TH: variants seen among roughly 807,000 people sequenced by gnomAD.
TH encodes tyrosine hydroxylase.
Under a neutral mutation model 57.4 loss-of-function variants are expected in TH, and 49 were observed. The observed-to-expected ratio is 0.85, with a 90% CI of 0.68 to 1.08. TH has a LOEUF of 1.08. TH is among the 50% of genes least tolerant of loss of function. The pLI, the probability that TH is intolerant of heterozygous loss-of-function variation, is 0.00. For missense variants in TH, 720 were observed against 696.7 expected (o/e 1.03, Z -0.38); for synonymous variants, 330 against 304.5 (o/e 1.08, Z -0.87).
At chr11:2,168,737 C>CGG in intron 2 of TH, 72 bp from the exon 3 acceptor site, 1 of 177,918 alleles carries the variant, frequency 5.6e-6, no homozygotes, top group Non-Finnish European at 8.7e-6. Flanking sequence ...GTGGGGTGGG[C>CGG]GGGGAGGAGG....
At position 2,168,567 on chromosome 11, in the gene TH, G is replaced by A. The variant is rs199999086; in HGVS notation, c.411C>T (p.Arg137=). 1.9e-6 allele frequency: 3 copies of A among 1,611,874 alleles called. No individual in the cohort carries two copies. The highest frequency in any genetic ancestry group is 2.2e-5 in the South Asian group (2 of 91,018). The change falls in exon 3 of 13, where the codon CGC becomes CGT. Residue 137 remains arginine, a synonymous_variant. Transcript: ENST00000352909. ...TGAGCAGGGCGGCCAGGTCCCCTCG[G>A]CGCACCTCGAGGCGCACGAAGTACT... ...HLEYFVRLEV[R]RGDLAALLSG...
chr11:2,164,985 C>A (rs528778158), intron 12 of TH, among the ~76,000 whole-genome samples: 1 of 152,320 alleles, frequency 6.6e-6, no homozygotes, highest in South Asian at 2.1e-4. Context: ...GCTCTGTCAG[C>A]ACCTCCAAGA....
Position 2,165,727 on chromosome 11 carries a change from G to T in TH, c.1141C>A (p.Gln381Lys), listed in dbSNP as rs121917762. ...WFTVEFGLCK[Q>K]NGEVKAYGAG... ...CCATAGGCCTTCACCTCCCCGTTCT[G>T]CTTACACAGCCCGAACTCCACCGTG... The change falls in exon 11 of 13, where the codon CAG becomes AAG. Residue 381 changes from glutamine (Q) to lysine (K), a missense_variant. By Grantham distance (53) the Gln-to-Lys change is moderately conservative (BLOSUM62 1). Transcript: ENST00000352909. 5.0e-6 allele frequency: 8 copies of T among 1,612,614 alleles called. No individual in the cohort carries two copies. The highest frequency in any genetic ancestry group is 6.8e-6 in the Non-Finnish European group (8 of 1,179,962).
chr11:2,171,656 C>A lies in TH; in HGVS notation c.90+41G>T, dbSNP rs1242075687. ...AGGCAGCTGGCACCAGCCCTGGGCTCCGGTCCACTGCGGCCGCCGGGCACC... is the reference window on the plus strand; with the variant it reads ...AGGCAGCTGGCACCAGCCCTGGGCTACGGTCCACTGCGGCCGCCGGGCACC... On this transcript the variant is annotated intron_variant, in intron 1 of 12. Transcript: ENST00000352909. This position sits in a 1 kb window ranked among gnomAD's most constrained non-coding sequence, Gnocchi z 8.6. 9 of 1,602,122 alleles carry A rather than the reference C, an allele frequency of 5.6e-6. No homozygotes were observed. The highest frequency in any genetic ancestry group is 6.8e-6 in the Non-Finnish European group (8 of 1,175,958).
rs1846216027 is a variant in TH at position 2,170,186 on chromosome 11, A to G, written c.91-315T>C. 6.6e-6 allele frequency among the ~76,000 whole-genome samples: 1 copy of G among 152,140 alleles called. No homozygotes were observed. The highest frequency in any genetic ancestry group is 2.4e-5 in the African/African-American group (1 of 41,428). The stretch of plus-strand genomic sequence containing the variant: ...CAGAGACGCTGTGTCACTCATCCCC[A>G]GGCCAGGCGCTAACTGGATTAGTGA... On this transcript the variant is annotated intron_variant, in intron 1 of 12. Transcript: ENST00000352909. The surrounding 1 kb of genome is among the most constrained non-coding windows in gnomAD (Gnocchi z 6.0).
chr11:2,167,590 G>A (rs1438329267), intron 5 of TH, 105 bp from the exon 6 acceptor site: 22 of 1,366,106 alleles, frequency 1.6e-5, no homozygotes, highest in South Asian at 8.9e-5. Context: ...CTAGTGCAGC[G>A]AGGCCTTTGG....
In TH at chr11:2,164,125, A is replaced by G; in HGVS notation, c.*108T>C. 1 of 1,017,204 alleles carries G rather than the reference A, an allele frequency of 9.8e-7. No individual in the cohort carries two copies. The highest frequency in any genetic ancestry group is 1.3e-6 in the Non-Finnish European group (1 of 767,746). 63.0% of individuals were successfully genotyped at this position (1,017,204 alleles called of 1,614,324 possible). A position where few individuals can be genotyped will look rare whatever the true frequency, so the allele number is the denominator to read the frequency against. On this transcript the variant is annotated 3_prime_UTR_variant, in exon 13 of 13. Transcript: ENST00000352909. ...GCAGGGGCAGTGGGAGCCTGGCAGC[A>G]GGGAGGGCATGGGGGGCACCCGGGA...
In TH at chr11:2,168,124, G is replaced by T. The variant is rs2133696399; in HGVS notation, c.543C>A (p.Thr181=). Residue 181 remains threonine, a synonymous_variant, in exon 4 of 13, where the codon ACC becomes ACA. Transcript: ENST00000352909. ...CCAAGTCCAGGTCAGGGTCGAACTT[G>T]GTGACCAGGTGATGACACTTGTCCA... ...SELDKCHHLV[T]KFDPDLDLDH... 2 of 1,613,580 alleles carry T rather than the reference G, an allele frequency of 1.2e-6. No homozygotes were observed. Among genetic ancestry groups the T allele is most frequent in the Non-Finnish European group, 8.5e-7 (1 of 1,180,028 alleles).
At position 2,165,680 on chromosome 11, in the gene TH, G is replaced by T. The variant is rs375428556; in HGVS notation, c.1188C>A (p.Tyr396Ter). 6.2e-7 allele frequency: 1 copy of T among 1,612,584 alleles called. No individual in the cohort carries two copies. Among genetic ancestry groups the T allele is most frequent in the African/African-American group, 1.3e-5 (1 of 74,904 alleles). ...KAYGAGLLSS[Y>*]GELLHCLSEE... The stretch of plus-strand genomic sequence containing the variant: ...GAGAGACTCTCACCAGGAGCTCCCC[G>T]TAGGAGGACAGCAGCCCGGCACCAT... The change falls in exon 11 of 13, where the codon TAC becomes TAA. Residue 396 changes from tyrosine (Y) to a stop codon, truncating the protein, a stop_gained. Coordinates refer to ENST00000352909, the MANE Select transcript of TH (RefSeq NM_000360.4). LOFTEE classifies it high-confidence loss of function.
At chr11:2,165,196 G>A (rs1378476618) in intron 12 of TH, 36 bp downstream of exon 12, 5 of 1,612,392 alleles carry the variant, frequency 3.1e-6, no homozygotes, top group Non-Finnish European at 4.2e-6. Context: ...CAGTTTGGGG[G>A]CACCATGGGG....
intron 5 of TH, 61 bp downstream of exon 5, chr11:2,167,805 C>A: frequency 6.5e-7 from 1 of 1,541,768 alleles, no homozygotes; most frequent in South Asian, 1.2e-5. Flanking sequence ...CCCTCCCACC[C>A]CCCAGGTCCA....
rs112117346 is a variant in TH, at chr11:2,170,580, A to G, written c.91-709T>C. ...CATCCCTTGGAGCTGAACTCCCAAG[A>G]AGGCTCTGGGCCCCTTGTAAGAGAA... On this transcript the variant is annotated intron_variant, in intron 1 of 12. Transcript: ENST00000352909. This position sits in a 1 kb window ranked among gnomAD's most constrained non-coding sequence, Gnocchi z 6.0. 1 of 991,856 alleles carries G rather than the reference A, an allele frequency of 1.0e-6. No individual in the cohort carries two copies. Among genetic ancestry groups the G allele is most frequent in the Non-Finnish European group, 1.6e-6 (1 of 641,568 alleles). The allele number at this position is 991,856 out of a possible 1,614,324, so 61.4% of individuals were successfully genotyped here.
At chr11:2,165,548 C>G in intron 11 of TH, 120 bp downstream of exon 11, 1 of 1,362,584 alleles carries the variant, frequency 7.3e-7, no homozygotes, top group East Asian at 2.5e-5. Context: ...TTCTCCCAAA[C>G]AGAGCCTGAG....
rs893123955 is a variant in TH, at chr11:2,164,085, C to T, written c.*148G>A. ...TCACCACGGGCACACACAGCTGTTG[C>T]GCTGAGAAGCAGGTGCAGGGGCAGT... On this transcript the variant is annotated 3_prime_UTR_variant, in exon 13 of 13. Coordinates refer to ENST00000352909, the MANE Select transcript of TH (RefSeq NM_000360.4). The T allele has an allele frequency of 1.1e-5, 7 of 658,722 alleles. No homozygotes were observed. The highest frequency in any genetic ancestry group is 4.0e-5 in the Admixed American group (1 of 24,714). The allele number at this position is 658,722 out of a possible 1,614,324, so 40.8% of individuals were successfully genotyped here.
intron 9 of TH, 67 bp from the exon 10 acceptor site, chr11:2,166,125 G>T: frequency 6.6e-7 from 1 of 1,508,312 alleles, no homozygotes; most frequent in South Asian, 1.2e-5. Flanking sequence ...TGGGGGCACC[G>T]GGGGTGTCAG....
At chr11:2,165,828 C>T in intron 10 of TH, 65 bp from the exon 11 acceptor site, 1 of 1,570,914 alleles carries the variant, frequency 6.4e-7, no homozygotes, top group Non-Finnish European at 8.6e-7. Context: ...CCCCTGGTCA[C>T]CCGTGACCAG....
Position 2,170,746 on chromosome 11 carries a change from C to T in TH, c.91-875G>A, listed in dbSNP as rs200295434. 1.5e-5 allele frequency: 23 copies of T among 1,531,360 alleles called. No homozygotes were observed. The East Asian group carries it at 5.7e-4, about 38-fold the overall frequency. The allele number at this position is 1,531,360 out of a possible 1,614,324, so 94.9% of individuals were successfully genotyped here. A position where few individuals can be genotyped will look rare whatever the true frequency, so the allele number is the denominator to read the frequency against. On this transcript the variant is annotated intron_variant, in intron 1 of 12. Transcript: ENST00000352909. The surrounding 1 kb of genome is among the most constrained non-coding windows in gnomAD (Gnocchi z 6.0). ...GCTGCAGTTCCAGGCCACGGAGAGC[C>T]TGTGAGGCTGGGCCCCGGGGCGCCC...
rs1251913452 is a variant in TH at position 2,164,264 on chromosome 11, G to A, written c.1463C>T (p.Thr488Ile). Residue 488 changes from threonine (T) to isoleucine (I), a missense_variant, in exon 13 of 13, where the codon ACC becomes ATC. Physicochemically the swap from Thr to Ile is moderately conservative, Grantham distance 89 (BLOSUM62 -1). Coordinates refer to ENST00000352909, the MANE Select transcript of TH (RefSeq NM_000360.4). ...AATGGCACTCAGCGCATGGGCAAGG[G>A]TGTCCAGCTCATCCTGGACACCCTC... ...SLEGVQDELD[T>I]LAHALSAIG 1.3e-6 allele frequency: 2 copies of A among 1,498,984 alleles called. No homozygotes were observed. The highest frequency in any genetic ancestry group is 1.8e-6 in the Non-Finnish European group (2 of 1,122,188). 92.9% of individuals were successfully genotyped at this position (1,498,984 alleles called of 1,614,324 possible). A position where few individuals can be genotyped will look rare whatever the true frequency, so the allele number is the denominator to read the frequency against.
chr11:2,169,477 G>A (rs909997148), intron 2 of TH, among the ~76,000 whole-genome samples, 173 bp downstream of exon 2: 20 of 152,236 alleles, frequency 1.3e-4, no homozygotes, highest in Non-Finnish European at 2.6e-4. Flanking sequence ...ACACGGGGGT[G>A]TGGCTAGATG....
Sources: allele counts gnomAD v4.1 joint callset (sites outside exome capture counted in the v4.1 genomes callset), GRCh38; gene constraint gnomAD v4.1.1; non-coding constraint Gnocchi (gnomAD v3.1); transcripts MANE v1.5; gene names NCBI Gene and HGNC (gene_info 2026-07-23, HGNC 2026-07-21).